Variants in SLC39A11 observed in about 807,000 individuals in gnomAD.
SLC39A11 encodes solute carrier family 39 member 11.
SLC39A11 carries 33 observed loss-of-function variants against 36.1 expected under a neutral mutation model. That is an observed-to-expected ratio of 0.91 (90% CI 0.69 to 1.22). The LOEUF is 1.22. Among genes scored for constraint, SLC39A11 ranks in the 50% most tolerant of loss-of-function variants. The probability of loss-of-function intolerance (pLI) is 0.00; values close to 1 mark genes in which losing one functional copy is unlikely to be tolerated. For synonymous variants in SLC39A11, 166 were observed against 170.3 expected (o/e 0.97, Z 0.20); for missense variants, 432 against 430.3 (o/e 1.00, Z -0.03).
At chr17:72,735,142 AG>A (rs1464712618) in intron 7 of SLC39A11, among the ~76,000 whole-genome samples, 1 of 152,210 alleles carries the variant, frequency 6.6e-6, no homozygotes, top group East Asian at 1.9e-4. Flanking sequence ...TCTGAGAGGC[AG>A]GAACATGAAG....
intron 4 of SLC39A11, among the ~76,000 whole-genome samples, chr17:72,957,056 C>T (rs991434475): frequency 6.6e-6 from 1 of 152,080 alleles, no homozygotes; most frequent in Non-Finnish European, 1.5e-5. Flanking sequence ...GACTGGAAAA[C>T]ACTGATTCTT....
intron 7 of SLC39A11, among the ~76,000 whole-genome samples, chr17:72,691,307 A>C (rs973544007): frequency 2.0e-5 from 3 of 152,142 alleles, no homozygotes; most frequent in African/African-American, 7.2e-5. Context: ...TCTTTCCCCC[A>C]AATTCTCTGC....
At chr17:73,072,956 G>A (rs992517973) in intron 3 of SLC39A11, among the ~76,000 whole-genome samples, 2 of 152,192 alleles carry the variant, frequency 1.3e-5, no homozygotes, top group African/African-American at 4.8e-5. Flanking sequence ...AAGGTGGGTG[G>A]ATCACTTGTG....
In SLC39A11 at chr17:72,837,648, T is replaced by C. The variant is rs76594766; in HGVS notation, c.601+11986A>G. 3.5e-3 allele frequency among the ~76,000 whole-genome samples: 537 copies of C among 152,216 alleles called. 25 individuals carry two copies. In the East Asian group the frequency reaches 0.089, roughly 25 times the overall value. On this transcript the variant is annotated intron_variant, in intron 6 of 9. Transcript: ENST00000255559. The stretch of plus-strand genomic sequence containing the variant: ...AAAGTAAAAACAATCCAAATGTCCA[T>C]CAAGTGATGAAACAGTAAACAAAAC...
chr17:73,036,595 C>T (rs2058923738), intron 3 of SLC39A11, among the ~76,000 whole-genome samples: 1 of 152,066 alleles, frequency 6.6e-6, no homozygotes, highest in Admixed American at 6.5e-5. Flanking sequence ...TACAGGTGCC[C>T]ACCATGCCGC....
At chr17:73,066,966 A>G (rs958889880) in intron 3 of SLC39A11, among the ~76,000 whole-genome samples, 2 of 152,250 alleles carry the variant, frequency 1.3e-5, no homozygotes, top group African/African-American at 4.8e-5. Flanking sequence ...CCTTTGTACT[A>G]CTTGAATTTC....
Position 72,802,004 on chromosome 17 carries a change from G to T in SLC39A11, c.601+47630C>A, listed in dbSNP as rs191706267. 3.9e-5 allele frequency among the ~76,000 whole-genome samples: 6 copies of T among 152,284 alleles called. No individual in the cohort carries two copies. The South Asian group carries it at 1.2e-3, about 32-fold the overall frequency. On this transcript the variant is annotated intron_variant, in intron 6 of 9. Coordinates refer to ENST00000255559, the MANE Select transcript of SLC39A11 (RefSeq NM_139177.4). ...TCTGTCAAACGAGAATAACAGTTCC[G>T]TAGAATCACTGTGAAGATGGCACAA...
intron 4 of SLC39A11, among the ~76,000 whole-genome samples, chr17:73,021,778 T>C (rs148323355): frequency 6.6e-6 from 1 of 152,310 alleles, no homozygotes; most frequent in Non-Finnish European, 1.5e-5. Flanking sequence ...TACAACTTTA[T>C]GGCCTAACAA....
At chr17:72,850,691 G>A (rs11077637) in intron 5 of SLC39A11, among the ~76,000 whole-genome samples, 79,353 of 151,944 alleles carry the variant, frequency 0.52, 21,209 homozygotes, top group Middle Eastern at 0.58. Flanking sequence ...CTGTGCAGTG[G>A]TTTTCTGATT....
intron 3 of SLC39A11, among the ~76,000 whole-genome samples, chr17:73,055,525 G>A (rs1057235993): frequency 4.6e-5 from 7 of 151,582 alleles, no homozygotes; most frequent in East Asian, 3.9e-4. Flanking sequence ...TCAACCTCCC[G>A]GGCTCAAGCA....
chr17:72,705,091 C>CG (rs2072832165), intron 7 of SLC39A11, among the ~76,000 whole-genome samples: 1 of 152,156 alleles, frequency 6.6e-6, no homozygotes, highest in Admixed American at 6.5e-5. Flanking sequence ...GTGCCTGAAA[C>CG]CAGCATCCCA....
intron 6 of SLC39A11, among the ~76,000 whole-genome samples, chr17:72,846,811 C>T (rs890413273): frequency 6.6e-6 from 1 of 152,178 alleles, no homozygotes; most frequent in Non-Finnish European, 1.5e-5. Context: ...GATCTTTACT[C>T]TTCCTCAATT....
At chr17:73,077,950 A>G (rs1020846577) in intron 3 of SLC39A11, among the ~76,000 whole-genome samples, 1 of 152,198 alleles carries the variant, frequency 6.6e-6, no homozygotes, top group Non-Finnish European at 1.5e-5. Flanking sequence ...CTGATCTAAA[A>G]GAGTAACCTA....
intron 4 of SLC39A11, among the ~76,000 whole-genome samples, chr17:72,954,638 A>G (rs1443607313): frequency 1.3e-5 from 2 of 152,268 alleles, no homozygotes; most frequent in Non-Finnish European, 2.9e-5. Context: ...AGAAGTTGCC[A>G]TAATAATGAC....
chr17:73,086,858 G>A (rs540608347), intron 2 of SLC39A11, among the ~76,000 whole-genome samples: 34 of 151,784 alleles, frequency 2.2e-4, no homozygotes, highest in African/African-American at 5.1e-4. Flanking sequence ...CAGCCTGGCC[G>A]GATGGGGTTA....
At chr17:72,967,399 A>AGAGT (rs143987646) in intron 4 of SLC39A11, among the ~76,000 whole-genome samples, 11 of 138,278 alleles carry the variant, frequency 8.0e-5, no homozygotes, top group African/African-American at 1.7e-4. Flanking sequence ...AGAGAGAGAG[A>AGAGT]GTGTGTGTGT....
rs563353148 is a variant in SLC39A11 at position 72,734,149 on chromosome 17, T to C, written c.671+2501A>G. Among the ~76,000 whole-genome samples the C allele has an allele frequency of 2.6e-5, 4 of 152,250 alleles. No homozygotes were observed. In the East Asian group the frequency reaches 7.7e-4, roughly 29 times the overall value. On this transcript the variant is annotated intron_variant, in intron 7 of 9. Transcript: ENST00000255559. ...CTATCCTCCCATGAAATCCTATGTG[T>C]AGTGTGAACTAAAGGCAGAGAAAGC...
At chr17:72,836,222 ACTCT>A (rs914807054) in intron 6 of SLC39A11, among the ~76,000 whole-genome samples, 2 of 152,066 alleles carry the variant, frequency 1.3e-5, no homozygotes, top group African/African-American at 2.4e-5. Context: ...CTTCTCTGTA[ACTCT>A]CTCTGAAAAA....
chr17:73,080,773 C>T (rs1255120699), intron 3 of SLC39A11, among the ~76,000 whole-genome samples: 3 of 151,732 alleles, frequency 2.0e-5, no homozygotes, highest in African/African-American at 7.3e-5. Flanking sequence ...GGTGAAACTC[C>T]GTCTCTACTG....
Sources: allele counts gnomAD v4.1 joint callset (sites outside exome capture counted in the v4.1 genomes callset), GRCh38; gene constraint gnomAD v4.1.1; transcripts MANE v1.5; gene names NCBI Gene and HGNC (gene_info 2026-07-23, HGNC 2026-07-21).